SMYD3: variants seen among roughly 807,000 people sequenced by gnomAD.
SMYD3 encodes histone-lysine N-methyltransferase SMYD3.
In SMYD3, 36 loss-of-function variants were observed where a neutral mutation model predicts 57.7. The ratio of observed to expected loss-of-function variants is 0.62; its 90% CI spans 0.48 to 0.82. The LOEUF is 0.82. Among genes scored for constraint, SMYD3 ranks in the 40% least tolerant of loss-of-function variants. The pLI is 0.00. For missense variants in SMYD3, 515 were observed against 538.8 expected (o/e 0.96, Z 0.44); for synonymous variants, 211 against 195.0 (o/e 1.08, Z -0.68).
intron 5 of SMYD3, among the ~76,000 whole-genome samples, chr1:245,959,067 C>T (rs1016574336): frequency 4.6e-5 from 7 of 152,142 alleles, no homozygotes; most frequent in African/African-American, 1.7e-4. Flanking sequence ...GCCACCATGT[C>T]CAGCTAATTT....
At chr1:246,142,214 C>T (rs182594556) in intron 5 of SMYD3, among the ~76,000 whole-genome samples, 1 of 152,158 alleles carries the variant, frequency 6.6e-6, no homozygotes, top group East Asian at 1.9e-4. Context: ...ACATACATAC[C>T]TATGATAAAG....
chr1:246,482,508 G>A (rs1404575564), intron 1 of SMYD3, among the ~76,000 whole-genome samples: 1 of 151,944 alleles, frequency 6.6e-6, no homozygotes, highest in African/African-American at 2.4e-5. Context: ...GCCTTTCCTG[G>A]CCTACGTCAG....
intron 1 of SMYD3, among the ~76,000 whole-genome samples, chr1:246,460,353 C>T (rs933452894): frequency 2.0e-5 from 3 of 152,202 alleles, no homozygotes; most frequent in Admixed American, 2.0e-4. Flanking sequence ...TGCACTCAAG[C>T]ACAGTCTAGT....
chr1:246,005,018 T>C (rs1190881133), intron 5 of SMYD3, among the ~76,000 whole-genome samples: 2 of 152,052 alleles, frequency 1.3e-5, no homozygotes, highest in Non-Finnish European at 2.9e-5. Context: ...GCTAATTTTT[T>C]TGTATTTTTT....
chr1:246,079,838 T>G (rs1013406246), intron 5 of SMYD3, among the ~76,000 whole-genome samples: 1 of 152,234 alleles, frequency 6.6e-6, no homozygotes, highest in Non-Finnish European at 1.5e-5. Flanking sequence ...ACAGAAATCA[T>G]AAATGTTGGT....
chr1:246,498,621 CTCGGG>C (rs2068406217), intron 1 of SMYD3, among the ~76,000 whole-genome samples: 1 of 151,356 alleles, frequency 6.6e-6, no homozygotes, highest in Admixed American at 6.6e-5. Flanking sequence ...GTCCCAGCTA[CTCGGG>C]AGGCTGAGGC....
chr1:246,180,957 G>A (rs148115973), intron 5 of SMYD3, among the ~76,000 whole-genome samples: 243 of 151,904 alleles, frequency 1.6e-3, no homozygotes, highest in African/African-American at 5.5e-3. Context: ...AAAATATCAG[G>A]GAGGAACATA....
At chr1:246,288,627 C>T (rs2064622600) in intron 5 of SMYD3, among the ~76,000 whole-genome samples, 1 of 152,060 alleles carries the variant, frequency 6.6e-6, no homozygotes, top group African/African-American at 2.4e-5. Context: ...CTCCCATTGC[C>T]ATGGAAGGAC....
At chr1:246,452,194 A>G (rs1237193112) in intron 1 of SMYD3, among the ~76,000 whole-genome samples, 2 of 152,216 alleles carry the variant, frequency 1.3e-5, no homozygotes, top group African/African-American at 4.8e-5. Flanking sequence ...CAACGAACAC[A>G]TTAAAAATTA....
chr1:245,794,309 C>T (rs1300103735), intron 10 of SMYD3, among the ~76,000 whole-genome samples: 1 of 152,178 alleles, frequency 6.6e-6, no homozygotes, highest in African/African-American at 2.4e-5. Context: ...CTTAAAATAT[C>T]TTTATTTCAT....
chr1:246,348,583 A>C lies in SMYD3; in HGVS notation c.228+6448T>G, dbSNP rs531443154. ...AAGTGTATAAATATGGGAACAACAG[A>C]CATTGGAGAATATAAGGAAGGGGAA... On this transcript the variant is annotated intron_variant, in intron 2 of 11. Coordinates refer to ENST00000490107, the MANE Select transcript of SMYD3 (RefSeq NM_001167740.2). 1.3e-3 allele frequency among the ~76,000 whole-genome samples: 197 copies of C among 152,190 alleles called. 3 individuals are homozygous for C. The highest frequency in any genetic ancestry group is 0.011 in the Admixed American group (163 of 15,270).
intron 9 of SMYD3, among the ~76,000 whole-genome samples, chr1:245,861,677 T>C (rs2051556358): frequency 6.6e-6 from 1 of 152,168 alleles, no homozygotes; most frequent in African/African-American, 2.4e-5. Flanking sequence ...CCTCTTCTCT[T>C]GGTTGGTCTG....
chr1:246,440,595 G>A (rs1336294302), intron 1 of SMYD3, among the ~76,000 whole-genome samples: 1 of 151,978 alleles, frequency 6.6e-6, no homozygotes, highest in East Asian at 1.9e-4. Context: ...AAATCTAGAA[G>A]TATATATCTA....
In SMYD3 at chr1:246,086,501, CT is replaced by C. The variant is rs879767526; in HGVS notation, c.532-156565del. Among the ~76,000 whole-genome samples, 535 of 141,188 alleles carry C rather than the reference CT, an allele frequency of 3.8e-3. 2 individuals are homozygous for C. The highest frequency in any genetic ancestry group is 0.014 in the Middle Eastern group (4 of 276). The allele number at this position is 141,188 out of a possible 152,430, so 92.6% of individuals were successfully genotyped here. ...CTACTAGAGGCTACGGATATATTTTCTTTTTTTTTTTTTCTACACTTCACTT... is the reference window on the plus strand; with the variant it reads ...CTACTAGAGGCTACGGATATATTTTCTTTTTTTTTTTTCTACACTTCACTT... On this transcript the variant is annotated intron_variant, in intron 5 of 11. Transcript: ENST00000490107.
At position 246,112,256 on chromosome 1, in the gene SMYD3, C is replaced by T. The variant is rs533310260; in HGVS notation, c.532-182319G>A. On this transcript the variant is annotated intron_variant, in intron 5 of 11. Transcript: ENST00000490107. ...TCAAAAGGTAAGATCAATTACCACACAGAAGGAGAAGCCATCCATTTTCTT... is the reference window on the plus strand; with the variant it reads ...TCAAAAGGTAAGATCAATTACCACATAGAAGGAGAAGCCATCCATTTTCTT... 4.6e-5 allele frequency among the ~76,000 whole-genome samples: 7 copies of T among 152,270 alleles called. No individual in the cohort carries two copies. In the South Asian group the frequency reaches 1.0e-3, roughly 23 times the overall value.
At chr1:245,819,062 A>C in intron 10 of SMYD3, among the ~76,000 whole-genome samples, 2 of 117,796 alleles carry the variant, frequency 1.7e-5, no homozygotes, top group East Asian at 2.5e-4. Flanking sequence ...CATCTACAGA[A>C]CTCTCCACCC....
At chr1:246,320,823 T>C (rs2065234916) in intron 5 of SMYD3, among the ~76,000 whole-genome samples, 1 of 152,176 alleles carries the variant, frequency 6.6e-6, no homozygotes, top group South Asian at 2.1e-4. Flanking sequence ...CCAATAATTA[T>C]CAATGGACAT....
intron 5 of SMYD3, among the ~76,000 whole-genome samples, chr1:246,123,095 C>G (rs1273191872): frequency 6.6e-6 from 1 of 152,154 alleles, no homozygotes; most frequent in Non-Finnish European, 1.5e-5. Context: ...TGTTCTCTCA[C>G]TGAAAATTGA....
intron 5 of SMYD3, among the ~76,000 whole-genome samples, chr1:246,073,348 T>A (rs1409199642): frequency 6.6e-6 from 1 of 152,232 alleles, no homozygotes; most frequent in Non-Finnish European, 1.5e-5. Flanking sequence ...ATTTTAAATA[T>A]TTTTAAAACT....
Sources: allele counts gnomAD v4.1 joint callset (sites outside exome capture counted in the v4.1 genomes callset), GRCh38; gene constraint gnomAD v4.1.1; transcripts MANE v1.5; gene names NCBI Gene and HGNC (gene_info 2026-07-23, HGNC 2026-07-21).